The following AGO2 variants were observed in gnomAD, a reference collection of about 807,000 sequenced individuals.
AGO2 encodes argonaute RISC catalytic component 2.
Under a neutral mutation model 102.3 loss-of-function variants are expected in AGO2, and 5 were observed. The ratio of observed to expected loss-of-function variants is 0.05; its 90% CI spans 0.03 to 0.10. The LOEUF is 0.10. AGO2 is among the 10% of genes least tolerant of loss of function. The probability of loss-of-function intolerance (pLI) is 1.00; values close to 1 mark genes in which losing one functional copy is unlikely to be tolerated. For missense variants in AGO2, 541 were observed against 1,183.7 expected (o/e 0.46, Z 7.97); for synonymous variants, 449 against 473.1 (o/e 0.95, Z 0.66).
intron 2 of AGO2, among the ~76,000 whole-genome samples, chr8:140,582,905 A>C (rs1360883998): frequency 6.6e-6 from 1 of 152,242 alleles, no homozygotes; most frequent in African/African-American, 2.4e-5. Context: ...GCTGATTTTT[A>C]GGTGCCAATG....
chr8:140,536,367 C>T (rs1170657262), intron 16 of AGO2, among the ~76,000 whole-genome samples: 2 of 151,104 alleles, frequency 1.3e-5, no homozygotes, highest in Non-Finnish European at 2.9e-5. Flanking sequence ...TGCTTTGCCA[C>T]CCAGGCTGGA....
intron 1 of AGO2, among the ~76,000 whole-genome samples, chr8:140,632,626 A>T (rs1655372220): frequency 6.6e-6 from 1 of 152,234 alleles, no homozygotes; most frequent in Admixed American, 6.5e-5. Context: ...ACACAGATCA[A>T]GACCTTTAAA....
In AGO2 at chr8:140,539,250, G is replaced by A; in HGVS notation, c.2169+70C>T. On this transcript the variant is annotated intron_variant, in intron 16 of 18. Transcript: ENST00000220592. This position sits in a 1 kb window ranked among gnomAD's most constrained non-coding sequence, Gnocchi z 4.7. Reference sequence around the variant, plus strand: ...GGCACTGTGGCCAGCAGGTTCTCTTGTGAGTGTGCTCGGGGTGTGGGGCTG... The same window carrying A: ...GGCACTGTGGCCAGCAGGTTCTCTTATGAGTGTGCTCGGGGTGTGGGGCTG... 6.5e-7 allele frequency: 1 copy of A among 1,528,582 alleles called. No individual in the cohort carries two copies. The highest frequency in any genetic ancestry group is 1.4e-5 in the African/African-American group (1 of 72,120). The allele number at this position is 1,528,582 out of a possible 1,614,324, so 94.7% of individuals were successfully genotyped here.
At chr8:140,547,386 C>A (rs2072919157) in intron 13 of AGO2, 82 bp downstream of exon 13, 1 of 1,533,698 alleles carries the variant, frequency 6.5e-7, no homozygotes, top group South Asian at 1.2e-5. Context: ...TGCCCCCCTG[C>A]CCCCTGCATA....
chr8:140,619,310 A>T (rs148399840), intron 1 of AGO2, among the ~76,000 whole-genome samples: 2 of 152,210 alleles, frequency 1.3e-5, no homozygotes, highest in Non-Finnish European at 2.9e-5. Context: ...TACACCACCA[A>T]CAACGACCTC....
At position 140,558,470 on chromosome 8, in the gene AGO2, G is replaced by A; in HGVS notation, c.878+15C>T. 3 of 1,614,116 alleles carry A rather than the reference G, an allele frequency of 1.9e-6. No individual in the cohort carries two copies. Among genetic ancestry groups the A allele is most frequent in the Middle Eastern group, 1.6e-4 (1 of 6,062 alleles). ...GGGCCCCAGCCAAGAGAGTCTGAAA[G>A]GAAGGGCGTGTTACGTTTGGTGACT... On this transcript the variant is annotated intron_variant, in intron 7 of 18. Coordinates refer to ENST00000220592, the MANE Select transcript of AGO2 (RefSeq NM_012154.5).
intron 4 of AGO2, among the ~76,000 whole-genome samples, chr8:140,561,111 G>C (rs1368206723): frequency 3.3e-5 from 5 of 152,254 alleles, no homozygotes; most frequent in Non-Finnish European, 5.9e-5. Context: ...ACCTCTTCCG[G>C]GCCTGCTAGG....
chr8:140,609,308 G>T (rs1280374265), intron 1 of AGO2, among the ~76,000 whole-genome samples: 2 of 152,244 alleles, frequency 1.3e-5, no homozygotes, highest in Admixed American at 6.5e-5. Flanking sequence ...CCTAGGATGG[G>T]CATCACACCC....
chr8:140,555,248 T>C (rs1040302024), intron 10 of AGO2, among the ~76,000 whole-genome samples: 1 of 152,144 alleles, frequency 6.6e-6, no homozygotes, highest in Non-Finnish European at 1.5e-5. Flanking sequence ...AACCGTGGTA[T>C]GCAAGCGAGC....
At chr8:140,536,467 C>T in intron 16 of AGO2, among the ~76,000 whole-genome samples, 1 of 152,010 alleles carries the variant, frequency 6.6e-6, no homozygotes, top group Admixed American at 6.6e-5. Flanking sequence ...GCTGGGACTA[C>T]AGGCATGTGC....
At chr8:140,591,465 CT>C (rs2073745980) in intron 1 of AGO2, among the ~76,000 whole-genome samples, 1 of 152,222 alleles carries the variant, frequency 6.6e-6, no homozygotes, top group African/African-American at 2.4e-5. Flanking sequence ...TTGCTCCCCT[CT>C]TTTGGTTTAA....
chr8:140,623,495 G>C (rs1248536742), intron 1 of AGO2, among the ~76,000 whole-genome samples: 1 of 152,174 alleles, frequency 6.6e-6, no homozygotes, highest in African/African-American at 2.4e-5. Context: ...CAGGGAGGCA[G>C]TCAGCCTCCA....
Position 140,572,792 on chromosome 8 carries a change from G to A in AGO2, c.336+20C>T. ...ACTTCACCGTATGTTACTCCACCAAGGGCATCCCGGCGAGCTTACCTTGTC... is the reference window on the plus strand; with the variant it reads ...ACTTCACCGTATGTTACTCCACCAAAGGCATCCCGGCGAGCTTACCTTGTC... On this transcript the variant is annotated intron_variant, in intron 3 of 18. Transcript: ENST00000220592. 6.2e-7 allele frequency: 1 copy of A among 1,606,786 alleles called. No individual in the cohort carries two copies. Among genetic ancestry groups the A allele is most frequent in the East Asian group, 2.2e-5 (1 of 44,786 alleles).
Position 140,541,185 on chromosome 8 carries a change from G to T in AGO2, c.2013C>A (p.Val671=). The T allele has an allele frequency of 6.4e-7, 1 of 1,570,120 alleles. No homozygotes were observed. The highest frequency in any genetic ancestry group is 1.9e-5 in the Admixed American group (1 of 52,342). The part of the protein sequence containing the change: ...PTRIIFYRDG[V]SEGQFQQVLH... ...CCACCTGCTGGAACTGGCCTTCAGAGACACCGTCGCGGTAGAAGATGATGC... is the reference window on the plus strand; with the variant it reads ...CCACCTGCTGGAACTGGCCTTCAGATACACCGTCGCGGTAGAAGATGATGC... The change falls in exon 15 of 19, where the codon GTC becomes GTA. Residue 671 remains valine (V), a synonymous_variant. Coordinates refer to ENST00000220592, the MANE Select transcript of AGO2 (RefSeq NM_012154.5).
At chr8:140,571,176 A>G (rs2073372574) in intron 3 of AGO2, among the ~76,000 whole-genome samples, 1 of 152,174 alleles carries the variant, frequency 6.6e-6, no homozygotes, top group Admixed American at 6.5e-5. Flanking sequence ...CGCACAGACC[A>G]CTGCCCCTCT....
At chr8:140,615,480 C>T (rs1049350500) in intron 1 of AGO2, among the ~76,000 whole-genome samples, 2 of 152,216 alleles carry the variant, frequency 1.3e-5, no homozygotes, top group Admixed American at 1.3e-4. Context: ...GCACACAGCC[C>T]GCTCAGAGCC....
intron 10 of AGO2, 85 bp downstream of exon 10, chr8:140,555,811 C>A: frequency 3.3e-6 from 5 of 1,507,408 alleles, no homozygotes; most frequent in Non-Finnish European, 3.6e-6. Context: ...CAGTCTACAC[C>A]GCGGGCGATA....
chr8:140,597,984 G>A (rs1470125866), intron 1 of AGO2, among the ~76,000 whole-genome samples: 1 of 152,224 alleles, frequency 6.6e-6, no homozygotes, highest in Non-Finnish European at 1.5e-5. Context: ...GATGCTTGGC[G>A]GGGCCCCATG....
At position 140,532,002 on chromosome 8, in the gene AGO2, G is replaced by C. The variant is rs35849440; in HGVS notation, c.*42C>G. The C allele has an allele frequency of 6.3e-7, 1 of 1,575,164 alleles. No individual in the cohort carries two copies. Among genetic ancestry groups the C allele is most frequent in the Non-Finnish European group, 8.7e-7 (1 of 1,145,810 alleles). On this transcript the variant is annotated 3_prime_UTR_variant, in exon 19 of 19. Coordinates refer to ENST00000220592, the MANE Select transcript of AGO2 (RefSeq NM_012154.5). ...TGTTGGTCTGAGTGTAGCTGGTCTC[G>C]TGAATCCCACTCGGTACACAATCGC...
Sources: gnomAD v4.1 joint callset for allele counts (sites outside exome capture counted in the v4.1 genomes callset) on GRCh38, gnomAD v4.1.1 for gene constraint, Gnocchi (gnomAD v3.1) non-coding constraint, MANE v1.5 for transcripts, NCBI Gene and HGNC (gene_info 2026-07-23, HGNC 2026-07-21) for gene names.